Variants in ZNF438 observed in about 807,000 individuals in gnomAD.
ZNF438 encodes zinc finger protein 438.
Under a neutral mutation model 38.0 loss-of-function variants are expected in ZNF438, and 25 were observed. The ratio of observed to expected loss-of-function variants is 0.66; its 90% CI spans 0.48 to 0.92. ZNF438 has a LOEUF of 0.92. Among genes scored for constraint, ZNF438 ranks in the 40% least tolerant of loss-of-function variants. The pLI, the probability that ZNF438 is intolerant of heterozygous loss-of-function variation, is 0.00. For missense variants in ZNF438, 1,007 were observed against 999.6 expected, an observed-to-expected ratio of 1.01 and a Z score of -0.10; for synonymous variants, 372 against 364.1, an observed-to-expected ratio of 1.02 and a Z score of -0.25.
chr10:30,912,691 TGACATTG>T (rs2043205249), intron 2 of ZNF438, among the ~76,000 whole-genome samples: 1 of 152,120 alleles, frequency 6.6e-6, no homozygotes, highest in Non-Finnish European at 1.5e-5. Context: ...ACTTACTGTC[TGACATTG>T]GACAAGTCTC....
intron 1 of ZNF438, among the ~76,000 whole-genome samples, chr10:30,974,346 G>A (rs1253460852): frequency 6.6e-6 from 1 of 152,192 alleles, no homozygotes; most frequent in Non-Finnish European, 1.5e-5. Context: ...GGTGATGCGT[G>A]CCTGTAGTCC....
intron 1 of ZNF438, among the ~76,000 whole-genome samples, chr10:31,002,278 CT>C (rs1186197172): frequency 1.3e-5 from 2 of 152,172 alleles, no homozygotes; most frequent in Non-Finnish European, 2.9e-5. Context: ...TCATTAACTG[CT>C]AAAATACTTT....
chr10:30,845,300 G>C (rs2031678757), exon 6 of ZNF438: 1 of 1,613,912 alleles, frequency 6.2e-7, no homozygotes, highest in East Asian at 2.2e-5. Context: ...ATTCCTCGGA[G>C]GAGGAATGAA....
At chr10:30,854,741 G>A (rs374551284) in intron 4 of ZNF438, among the ~76,000 whole-genome samples, 1 of 152,134 alleles carries the variant, frequency 6.6e-6, no homozygotes, top group Non-Finnish European at 1.5e-5. Context: ...AATAGTCAAC[G>A]AAACAAGCAA....
intron 3 of ZNF438, among the ~76,000 whole-genome samples, chr10:30,907,562 A>G (rs2042705158): frequency 6.6e-6 from 1 of 151,744 alleles, no homozygotes. Context: ...ATAGGTTCAT[A>G]TTTTCTCTGT....
intron 4 of ZNF438, among the ~76,000 whole-genome samples, chr10:30,866,617 G>A (rs895692780): frequency 2.6e-5 from 4 of 152,038 alleles, no homozygotes; most frequent in South Asian, 2.1e-4. Flanking sequence ...GGCAGATCAC[G>A]AGGTCAGGAG....
intron 1 of ZNF438, among the ~76,000 whole-genome samples, chr10:30,948,901 G>T (rs542245563): frequency 2.0e-5 from 3 of 151,740 alleles, no homozygotes; most frequent in Admixed American, 6.6e-5. Flanking sequence ...TACAGAGAAC[G>T]CCACAAAGAT....
At chr10:30,987,198 C>T (rs750860839) in intron 1 of ZNF438, among the ~76,000 whole-genome samples, 1 of 151,766 alleles carries the variant, frequency 6.6e-6, no homozygotes, top group East Asian at 1.9e-4. Flanking sequence ...CTCACACCTG[C>T]AATCCCAACA....
Position 30,998,350 on chromosome 10 carries a change from C to T in ZNF438, c.-192+33483G>A, listed in dbSNP as rs1020708715. Reference sequence around the variant, plus strand: ...GGTCAGGAGTTTGAGACCATCCTGGCTAACACAGTGAAACCCCGTCTCTAC... The same window carrying T: ...GGTCAGGAGTTTGAGACCATCCTGGTTAACACAGTGAAACCCCGTCTCTAC... On this transcript the variant is annotated intron_variant, in intron 1 of 5. Transcript: ENST00000413025. Among the ~76,000 whole-genome samples the T allele has an allele frequency of 2.0e-5, 3 of 151,442 alleles. No individual in the cohort carries two copies. In the East Asian group the frequency reaches 5.8e-4, roughly 29 times the overall value.
chr10:30,937,840 A>G (rs2046410047), intron 2 of ZNF438, among the ~76,000 whole-genome samples: 2 of 152,206 alleles, frequency 1.3e-5, no homozygotes, highest in Admixed American at 1.3e-4. Flanking sequence ...GCAAACACCA[A>G]TTTGATCATG....
chr10:31,020,947 T>G lies in ZNF438; in HGVS notation c.-192+10886A>C, dbSNP rs2056548512. On this transcript the variant is annotated intron_variant, in intron 1 of 5. Transcript: ENST00000413025. The stretch of plus-strand genomic sequence containing the variant: ...TCCATAAAAATATCTAAATCACACA[T>G]AGTTTTACCACTGGATTATTCCTAC... Among the ~76,000 whole-genome samples, 4 of 151,926 alleles carry G rather than the reference T, an allele frequency of 2.6e-5. No homozygotes were observed. In the South Asian group the frequency reaches 8.3e-4, roughly 31 times the overall value.
At chr10:30,980,882 C>A (rs2052050488) in intron 1 of ZNF438, among the ~76,000 whole-genome samples, 1 of 152,150 alleles carries the variant, frequency 6.6e-6, no homozygotes, top group South Asian at 2.1e-4. Flanking sequence ...CTATGAAGTC[C>A]ATAGCCAACC....
intron 5 of ZNF438, 106 bp from the exon 7 acceptor site, chr10:30,845,679 G>T: frequency 7.4e-7 from 1 of 1,347,024 alleles, no homozygotes; most frequent in South Asian, 1.5e-5. Flanking sequence ...ACACTGACGA[G>T]AAAGACAAGG....
At chr10:30,880,261 T>C (rs2039032676) in intron 3 of ZNF438, among the ~76,000 whole-genome samples, 1 of 151,696 alleles carries the variant, frequency 6.6e-6, no homozygotes, top group African/African-American at 2.4e-5. Flanking sequence ...AGAAACCCTG[T>C]CTCTACTAAA....
At chr10:31,014,529 T>C (rs1458080644) in intron 1 of ZNF438, among the ~76,000 whole-genome samples, 2 of 152,148 alleles carry the variant, frequency 1.3e-5, no homozygotes, top group African/African-American at 2.4e-5. Flanking sequence ...CCATCTCTAA[T>C]TACTATAAAC....
intron 1 of ZNF438, among the ~76,000 whole-genome samples, chr10:30,972,619 C>G (rs775193686): frequency 2.6e-5 from 4 of 152,266 alleles, no homozygotes; most frequent in Non-Finnish European, 4.4e-5. Context: ...ATGGGCCAGA[C>G]TCAGCCTGGG....
chr10:30,955,895 C>T (rs1239763677), intron 1 of ZNF438, among the ~76,000 whole-genome samples: 1 of 152,136 alleles, frequency 6.6e-6, no homozygotes, highest in African/African-American at 2.4e-5. Flanking sequence ...AAGCAGAAAC[C>T]TGAACCTAGT....
At chr10:30,866,833 CAAA>C (rs58445759) in intron 4 of ZNF438, among the ~76,000 whole-genome samples, 1 of 138,644 alleles carries the variant, frequency 7.2e-6, no homozygotes, top group Non-Finnish European at 1.6e-5. Flanking sequence ...GACTCTGTCT[CAAA>C]AAAAAAAAAC....
At chr10:30,858,243 A>G (rs2035010435) in intron 4 of ZNF438, among the ~76,000 whole-genome samples, 1 of 152,068 alleles carries the variant, frequency 6.6e-6, no homozygotes, top group Admixed American at 6.6e-5. Flanking sequence ...AAACTGAAAT[A>G]CTCTATTTTC....
Sources: allele counts gnomAD v4.1 joint callset (sites outside exome capture counted in the v4.1 genomes callset), GRCh38; gene constraint gnomAD v4.1.1; transcripts MANE v1.5; gene names NCBI Gene and HGNC (gene_info 2026-07-23, HGNC 2026-07-21).